The following AOPEP variants were observed in gnomAD, a reference collection of about 807,000 sequenced individuals.
AOPEP encodes the protein aminopeptidase O (putative).
AOPEP carries 77 observed loss-of-function variants against 98.1 expected under a neutral mutation model. That is an observed-to-expected ratio of 0.78 (90% CI 0.65 to 0.95). AOPEP has a LOEUF of 0.95. AOPEP is among the 40% of genes least tolerant of loss of function. The pLI is 0.00. For missense variants in AOPEP, 1,024 were observed against 1,024.7 expected (o/e 1.00, Z 0.01); for synonymous variants, 346 against 365.3 (o/e 0.95, Z 0.60).
chr9:94,734,019 A>G (rs1364520339), intron 1 of AOPEP, among the ~76,000 whole-genome samples: 7 of 152,220 alleles, frequency 4.6e-5, no homozygotes, highest in Admixed American at 4.6e-4. Flanking sequence ...CCCACAAAGA[A>G]CTAGAATATA....
At chr9:94,888,859 C>T (rs1282380159) in intron 5 of AOPEP, among the ~76,000 whole-genome samples, 1 of 152,202 alleles carries the variant, frequency 6.6e-6, no homozygotes, top group Non-Finnish European at 1.5e-5. Context: ...ATTATTTTCT[C>T]TCTGCATGTG....
At chr9:94,817,195 G>A (rs940610448) in intron 5 of AOPEP, among the ~76,000 whole-genome samples, 2 of 152,012 alleles carry the variant, frequency 1.3e-5, no homozygotes, top group South Asian at 2.1e-4. Context: ...TGTAGAGATG[G>A]GGTTTCGCCA....
chr9:95,034,790 T>C (rs1031588389), intron 13 of AOPEP, among the ~76,000 whole-genome samples: 28 of 152,220 alleles, frequency 1.8e-4, no homozygotes, highest in African/African-American at 6.5e-4. Flanking sequence ...GATCCTGGTT[T>C]GCTGATACAG....
chr9:95,100,193 G>A, the AOPEP span: 2 of 222,958 alleles, frequency 9.0e-6, no homozygotes, highest in Non-Finnish European at 1.7e-5. Flanking sequence ...GATCATGATG[G>A]CACGAAGCAT....
intron 16 of AOPEP, chr9:95,086,265 A>T (rs2070684940): frequency 8.2e-7 from 1 of 1,212,194 alleles, no homozygotes; most frequent in South Asian, 1.5e-5. Flanking sequence ...AGACTTGGAA[A>T]ACCCTGTTGG....
chr9:94,759,726 G>A lies in AOPEP; in HGVS notation c.-58G>A. 7.6e-7 allele frequency: 1 copy of A among 1,315,884 alleles called. No individual in the cohort carries two copies. The highest frequency in any genetic ancestry group is 2.3e-4 in the Middle Eastern group (1 of 4,324). 81.5% of individuals were successfully genotyped at this position (1,315,884 alleles called of 1,614,324 possible). On this transcript the variant is annotated 5_prime_UTR_variant, in exon 2 of 17. Coordinates refer to ENST00000375315, the MANE Select transcript of AOPEP (RefSeq NM_001193329.3). ...GCTATTTATGATTCTGGAAGATTAA[G>A]GCAGATAGGAAACCCCATCTGAGAT...
chr9:94,954,811 G>C (rs905227462), intron 7 of AOPEP, among the ~76,000 whole-genome samples: 7 of 152,186 alleles, frequency 4.6e-5, no homozygotes, highest in Admixed American at 4.6e-4. Context: ...TTTTGAAAGA[G>C]ATATAAGTTC....
intron 11 of AOPEP, among the ~76,000 whole-genome samples, chr9:94,988,685 C>T (rs2060671886): frequency 6.6e-6 from 1 of 152,078 alleles, no homozygotes; most frequent in African/African-American, 2.4e-5. Flanking sequence ...TAGGATCAAG[C>T]TGGGTTCTTG....
intron 13 of AOPEP, among the ~76,000 whole-genome samples, chr9:95,045,378 GA>G (rs1296442178): frequency 6.6e-6 from 1 of 152,248 alleles, no homozygotes; most frequent in East Asian, 1.9e-4. Flanking sequence ...GTCCACTGCG[GA>G]CAGGGGTCGG....
chr9:95,082,081 C>T (rs1038655242), intron 15 of AOPEP, among the ~76,000 whole-genome samples: 4 of 152,040 alleles, frequency 2.6e-5, no homozygotes, highest in East Asian at 1.9e-4. Flanking sequence ...CTGCGGGCAT[C>T]GTGATGTGTC....
intron 13 of AOPEP, among the ~76,000 whole-genome samples, chr9:95,018,446 G>A (rs1311106616): frequency 1.3e-5 from 2 of 152,200 alleles, no homozygotes; most frequent in Admixed American, 6.5e-5. Context: ...GAAGGCATTG[G>A]CCCAGTAAAT....
At chr9:94,831,610 T>G (rs556902525) in intron 5 of AOPEP, among the ~76,000 whole-genome samples, 6 of 152,276 alleles carry the variant, frequency 3.9e-5, no homozygotes, top group Non-Finnish European at 8.8e-5. Context: ...GGTAGTTGAA[T>G]GAAAACAGCA....
At chr9:95,118,326 G>C in the AOPEP span, among the ~76,000 whole-genome samples, 1 of 152,210 alleles carries the variant, frequency 6.6e-6, no homozygotes, top group Non-Finnish European at 1.5e-5. Context: ...GCTCAGCATG[G>C]TTTTTAAAAT....
At chr9:94,870,937 T>C (rs890940179) in intron 5 of AOPEP, among the ~76,000 whole-genome samples, 3 of 152,246 alleles carry the variant, frequency 2.0e-5, no homozygotes, top group Non-Finnish European at 4.4e-5. Flanking sequence ...CTCTCTGCCC[T>C]GATTGGACTA....
At chr9:95,103,316 C>G in the AOPEP span, among the ~76,000 whole-genome samples, 2 of 152,196 alleles carry the variant, frequency 1.3e-5, no homozygotes, top group Non-Finnish European at 2.9e-5. Flanking sequence ...GCCCTGCAGC[C>G]GCCTGGAAAA....
At chr9:94,870,456 A>G (rs1331896851) in intron 5 of AOPEP, among the ~76,000 whole-genome samples, 1 of 152,204 alleles carries the variant, frequency 6.6e-6, no homozygotes, top group African/African-American at 2.4e-5. Context: ...AGTCCTCACA[A>G]CAACCCCAAA....
intron 5 of AOPEP, among the ~76,000 whole-genome samples, chr9:94,828,236 T>TAACA (rs1855085334): frequency 2.0e-5 from 3 of 152,344 alleles, no homozygotes; most frequent in Non-Finnish European, 4.4e-5. Flanking sequence ...TTTATCTACT[T>TAACA]TGTTCTTTAG....
the AOPEP span, among the ~76,000 whole-genome samples, chr9:95,124,356 A>G: frequency 6.6e-6 from 1 of 152,116 alleles, no homozygotes; most frequent in Non-Finnish European, 1.5e-5. Context: ...GGCCAAATAT[A>G]TATGCTGAAA....
At chr9:94,756,155 G>T (rs555091840) in intron 1 of AOPEP, among the ~76,000 whole-genome samples, 1 of 152,054 alleles carries the variant, frequency 6.6e-6, no homozygotes, top group Admixed American at 6.5e-5. Context: ...AGCTACTTGG[G>T]AGGCTGAGGC....
Sources: gnomAD v4.1 joint callset for allele counts (sites outside exome capture counted in the v4.1 genomes callset) on GRCh38, gnomAD v4.1.1 for gene constraint, MANE v1.5 for transcripts, NCBI Gene and HGNC (gene_info 2026-07-23, HGNC 2026-07-21) for gene names.